Variants in LRMDA observed in about 807,000 individuals in gnomAD.
LRMDA encodes the protein leucine rich melanocyte differentiation associated, also known as leucine-rich melanocyte differentiation-associated protein.
In LRMDA, 18 loss-of-function variants were observed where a neutral mutation model predicts 29.8. The ratio of observed to expected loss-of-function variants is 0.60; its 90% CI spans 0.42 to 0.90. The LOEUF (loss-of-function observed/expected upper bound fraction) is 0.90, where lower values mean the gene tolerates loss of function less well. Among genes scored for constraint, LRMDA ranks in the 40% least tolerant of loss-of-function variants. The pLI, the probability that LRMDA is intolerant of heterozygous loss-of-function variation, is 0.00. For synonymous variants in LRMDA, 125 were observed against 109.4 expected, an observed-to-expected ratio of 1.14 and a Z score of -0.89; for missense variants, 273 against 273.9, an observed-to-expected ratio of 1.00 and a Z score of 0.02.
chr10:76,319,684 A>G (rs1178801304), intron 5 of LRMDA, among the ~76,000 whole-genome samples: 1 of 152,202 alleles, frequency 6.6e-6, no homozygotes, highest in Non-Finnish European at 1.5e-5. Context: ...TTTTTAGAAG[A>G]GTCAGCTTTA....
intron 6 of LRMDA, among the ~76,000 whole-genome samples, chr10:76,506,780 T>C (rs574169501): frequency 6.6e-6 from 1 of 151,832 alleles, no homozygotes; most frequent in African/African-American, 2.4e-5. Flanking sequence ...TCCATCTATG[T>C]TGCTGCAGAA....
chr10:76,255,094 G>A (rs1280081050), intron 5 of LRMDA, among the ~76,000 whole-genome samples: 1 of 152,102 alleles, frequency 6.6e-6, no homozygotes, highest in Non-Finnish European at 1.5e-5. Context: ...ACCTCTTTGG[G>A]CTTTCCCCCC....
intron 6 of LRMDA, among the ~76,000 whole-genome samples, chr10:76,452,343 A>T (rs1842415430): frequency 6.6e-6 from 1 of 152,144 alleles, no homozygotes; most frequent in African/African-American, 2.4e-5. Flanking sequence ...CAGAACACTT[A>T]ACTCTCTTTT....
chr10:75,641,347 C>T (rs1289948565), intron 2 of LRMDA, among the ~76,000 whole-genome samples: 3 of 151,466 alleles, frequency 2.0e-5, no homozygotes, highest in Non-Finnish European at 4.4e-5. Flanking sequence ...GCTGAGCTGT[C>T]CAGGATGGTC....
At chr10:76,398,063 T>C (rs1386076454) in intron 6 of LRMDA, among the ~76,000 whole-genome samples, 2 of 152,220 alleles carry the variant, frequency 1.3e-5, no homozygotes, top group African/African-American at 4.8e-5. Flanking sequence ...GTTGCCAGTA[T>C]GTTTTCAGCT....
At chr10:75,674,291 C>G (rs555136568) in intron 2 of LRMDA, among the ~76,000 whole-genome samples, 1 of 152,118 alleles carries the variant, frequency 6.6e-6, no homozygotes. Context: ...TTAGGAACAT[C>G]TGGGCAACCC....
At chr10:76,471,644 A>C (rs1266757352) in intron 6 of LRMDA, among the ~76,000 whole-genome samples, 2 of 151,806 alleles carry the variant, frequency 1.3e-5, no homozygotes, top group Non-Finnish European at 3.0e-5. Flanking sequence ...ATGGATAAAA[A>C]AACAAAATCC....
At position 75,902,340 on chromosome 10, in the gene LRMDA, C is replaced by T. The variant is rs1231197517; in HGVS notation, c.132-133668C>T. ...TGGTCTACTAACTGGGGAGTAGGCT[C>T]CAGGTTGGAAATGCCCTTGTTCCCT... On this transcript the variant is annotated intron_variant, in intron 2 of 6. Transcript: ENST00000611255. 4.6e-5 allele frequency among the ~76,000 whole-genome samples: 7 copies of T among 152,056 alleles called. No homozygotes were observed. The East Asian group carries it at 1.4e-3, about 29-fold the overall frequency.
At chr10:75,635,022 A>G (rs1841373824) in intron 2 of LRMDA, among the ~76,000 whole-genome samples, 1 of 152,198 alleles carries the variant, frequency 6.6e-6, no homozygotes, top group African/African-American at 2.4e-5. Flanking sequence ...CCATCTCTTA[A>G]GGGTCCATGA....
chr10:75,959,511 G>A (rs1276753972), intron 2 of LRMDA, among the ~76,000 whole-genome samples: 5 of 78,228 alleles, frequency 6.4e-5, no homozygotes, highest in Admixed American at 3.0e-4. Flanking sequence ...GTGCGCGCAC[G>A]TGCATGCACA....
At chr10:76,030,769 CA>C (rs537291989) in intron 2 of LRMDA, among the ~76,000 whole-genome samples, 196 of 152,328 alleles carry the variant, frequency 1.3e-3, no homozygotes, top group African/African-American at 4.3e-3. Flanking sequence ...AGCCTGATGA[CA>C]GAGTGAGACT....
intron 2 of LRMDA, among the ~76,000 whole-genome samples, chr10:76,031,530 C>T (rs1479721282): frequency 3.3e-5 from 5 of 152,116 alleles, no homozygotes; most frequent in African/African-American, 7.2e-5. Flanking sequence ...CCTCACTGTA[C>T]ACTTAACAGC....
chr10:76,477,401 A>G (rs1842685894), intron 6 of LRMDA, among the ~76,000 whole-genome samples: 2 of 152,060 alleles, frequency 1.3e-5, no homozygotes, highest in Non-Finnish European at 2.9e-5. Context: ...AAAATAAAAG[A>G]GGAGACAAAC....
At chr10:75,932,493 G>A in intron 2 of LRMDA, among the ~76,000 whole-genome samples, 1 of 152,066 alleles carries the variant, frequency 6.6e-6, no homozygotes, top group Non-Finnish European at 1.5e-5. Context: ...TGCACCTGTG[G>A]TCTCTGTTAC....
chr10:76,406,878 T>C (rs1355115742), intron 6 of LRMDA, among the ~76,000 whole-genome samples: 2 of 152,110 alleles, frequency 1.3e-5, no homozygotes, highest in Admixed American at 6.5e-5. Flanking sequence ...GTAGAAAAAC[T>C]TCAAAGTTTT....
intron 5 of LRMDA, among the ~76,000 whole-genome samples, chr10:76,250,686 A>G (rs1852463012): frequency 6.6e-6 from 1 of 152,160 alleles, no homozygotes; most frequent in Non-Finnish European, 1.5e-5. Context: ...TCCCCCTTAG[A>G]TAAGAAATTA....
intron 2 of LRMDA, among the ~76,000 whole-genome samples, chr10:75,712,490 A>T (rs1842448394): frequency 6.6e-6 from 1 of 152,042 alleles, no homozygotes; most frequent in African/African-American, 2.4e-5. Context: ...GATGGCTGCA[A>T]TGTGATTGTG....
At chr10:75,839,916 T>G (rs1844509013) in intron 2 of LRMDA, among the ~76,000 whole-genome samples, 1 of 151,936 alleles carries the variant, frequency 6.6e-6, no homozygotes, top group Non-Finnish European at 1.5e-5. Flanking sequence ...CACCGTATTA[T>G]CCAGGATGAT....
At chr10:75,436,270 TTTAGTCC>T (rs1224609737) in intron 1 of LRMDA, among the ~76,000 whole-genome samples, 1 of 152,220 alleles carries the variant, frequency 6.6e-6, no homozygotes, top group East Asian at 1.9e-4. Context: ...GTCTATTAGA[TTTAGTCC>T]TTGGCCATTC....
Sources: allele counts gnomAD v4.1 joint callset (sites outside exome capture counted in the v4.1 genomes callset), GRCh38; gene constraint gnomAD v4.1.1; transcripts MANE v1.5; gene names NCBI Gene and HGNC (gene_info 2026-07-23, HGNC 2026-07-21).